Variants in KIRREL2 observed in about 807,000 individuals in gnomAD.
The protein encoded by KIRREL2 is kirre like nephrin family adhesion molecule 2, also known as kin of IRRE-like protein 2.
In KIRREL2, 56 loss-of-function variants were observed where a neutral mutation model predicts 73.4. That is an observed-to-expected ratio of 0.76 (90% CI 0.62 to 0.95). The LOEUF is 0.95. KIRREL2 is among the 40% of genes least tolerant of loss of function. The pLI, the probability that KIRREL2 is intolerant of heterozygous loss-of-function variation, is 0.00. For synonymous variants in KIRREL2, 407 were observed against 404.0 expected (o/e 1.01, Z -0.09); for missense variants, 896 against 935.0 (o/e 0.96, Z 0.54).
At position 35,862,487 on chromosome 19, in the gene KIRREL2, C is replaced by T. The variant is rs776824493; in HGVS notation, c.1511-6C>T. ...CTTCTCAGGATGTCCCCTCTGCTCC[C>T]TGCAGACTTGCTGCCCACTGTGCGG... On this transcript the variant is annotated splice_region_variant and splice_polypyrimidine_tract_variant and intron_variant, in intron 11 of 14. Coordinates refer to ENST00000360202, the MANE Select transcript of KIRREL2 (RefSeq NM_199180.4). The T allele has an allele frequency of 1.2e-6, 2 of 1,606,226 alleles. No homozygotes were observed. Among genetic ancestry groups the T allele is most frequent in the Non-Finnish European group, 1.7e-6 (2 of 1,178,090 alleles).
upstream of KIRREL2, among the ~76,000 whole-genome samples, chr19:35,854,676 T>G (rs925461638): frequency 5.9e-5 from 9 of 152,204 alleles, no homozygotes; most frequent in African/African-American, 2.2e-4. Context: ...CTCTCTATAT[T>G]AAGTTGTTAA....
rs2146888905 is a variant in KIRREL2 at position 35,866,171 on chromosome 19, T to C, written c.1806T>C (p.Gly602=). Residue 602 remains glycine (G), a synonymous_variant, in exon 15 of 15, where the codon GGT becomes GGC. Coordinates refer to ENST00000360202, the MANE Select transcript of KIRREL2 (RefSeq NM_199180.4). ...TGTCCCCTCAGGACCCAACCAACGG[T>C]TACTACAAGGTCCGAGGAGTCAGTG... The part of the protein sequence containing the change: ...GTLETKDPTN[G]YYKVRGVSVS... 6.2e-7 allele frequency: 1 copy of C among 1,608,362 alleles called. No individual in the cohort carries two copies. The highest frequency in any genetic ancestry group is 8.5e-7 in the Non-Finnish European group (1 of 1,178,640).
In KIRREL2 at chr19:35,861,904, G is replaced by T. The variant is rs750596337; in HGVS notation, c.1390G>T (p.Gly464Cys). ...APESRGGLGP[G>C]LISVLHISGT... ...AGAGAGCCGCGGGGGACTGGGTCCGGGCCTGATCTCTGTGCTACACATTTC... is the reference window on the plus strand; with the variant it reads ...AGAGAGCCGCGGGGGACTGGGTCCGTGCCTGATCTCTGTGCTACACATTTC... Residue 464 changes from glycine to cysteine, a missense_variant, in exon 11 of 15, where the codon GGC becomes TGC. Transcript: ENST00000360202. 1 of 1,608,176 alleles carries T rather than the reference G, an allele frequency of 6.2e-7. No homozygotes were observed. Among genetic ancestry groups the T allele is most frequent in the Admixed American group, 1.7e-5 (1 of 58,786 alleles).
rs1472899254 is a variant in KIRREL2, at chr19:35,859,549, T to C, written c.591T>C (p.Asp197=). The C allele has an allele frequency of 1.9e-6, 3 of 1,614,174 alleles. No individual in the cohort carries two copies. Among genetic ancestry groups the C allele is most frequent in the African/African-American group, 1.3e-5 (1 of 75,042 alleles). The change falls in exon 5 of 15, where the codon GAT becomes GAC. Residue 197 remains aspartate, a synonymous_variant. Coordinates refer to ENST00000360202, the MANE Select transcript of KIRREL2 (RefSeq NM_199180.4). ...TAACCCTGACCCCTTTCAGCCATGA[T>C]GATGGAGCCACCTTTGTCTGCCGGG... ...STLTLTPFSH[D]DGATFVCRAR...
intron 7 of KIRREL2, 64 bp from the exon 8 acceptor site, chr19:35,860,845 G>T: frequency 6.2e-7 from 1 of 1,609,032 alleles, no homozygotes. Context: ...TGTGGGGCTG[G>T]CTGATCCCAG....
At chr19:35,851,702 G>A (rs1257091692), upstream of KIRREL2, 3 of 1,594,998 alleles carry the variant, frequency 1.9e-6, no homozygotes, top group Non-Finnish European at 2.6e-6. Flanking sequence ...CAAGGAAAGG[G>A]CAGAGGGTTT....
chr19:35,854,602 C>CG (rs1163793583), upstream of KIRREL2, among the ~76,000 whole-genome samples: 1 of 152,194 alleles, frequency 6.6e-6, no homozygotes. Context: ...GGATTGCAGG[C>CG]GTGAGTCATT....
At chr19:35,864,741 T>C in intron 14 of KIRREL2, 28 bp downstream of exon 14, 1 of 1,548,400 alleles carries the variant, frequency 6.5e-7, no homozygotes, top group Non-Finnish European at 8.9e-7. Context: ...TGGGGCTCCC[T>C]TCACTGTTGG....
intron 14 of KIRREL2, 55 bp downstream of exon 14, chr19:35,864,768 T>G: frequency 1.5e-6 from 2 of 1,340,794 alleles, no homozygotes; most frequent in Non-Finnish European, 2.1e-6. Context: ...CGGGGCTCCC[T>G]TCATTGTGTT....
chr19:35,859,963 T>C (rs1178941435), intron 5 of KIRREL2, among the ~76,000 whole-genome samples: 2 of 152,056 alleles, frequency 1.3e-5, no homozygotes, highest in Admixed American at 6.5e-5. Flanking sequence ...GAGAATCACT[T>C]GTACCCGGGA....
chr19:35,864,550 C>A, intron 13 of KIRREL2, 98 bp from the exon 14 acceptor site: 1 of 933,468 alleles, frequency 1.1e-6, no homozygotes, highest in Non-Finnish European at 1.7e-6. Context: ...TTACTCCCTC[C>A]TGCCTGGCCT....
Position 35,864,733 on chromosome 19 carries a change from G to C in KIRREL2, c.1791+20G>C. On this transcript the variant is annotated intron_variant, in intron 14 of 14. Transcript: ENST00000360202. ...ACCAAGGTGAGTGTTGAGAGGGGTG[G>C]GGCTCCCTTCACTGTTGGGAGAGGC... 2 of 1,585,688 alleles carry C rather than the reference G, an allele frequency of 1.3e-6. No individual in the cohort carries two copies. The highest frequency in any genetic ancestry group is 1.7e-6 in the Non-Finnish European group (2 of 1,154,404).
intron 13 of KIRREL2, among the ~76,000 whole-genome samples, 186 bp from the exon 14 acceptor site, chr19:35,864,462 T>A (rs1006903992): frequency 6.6e-6 from 1 of 152,110 alleles, no homozygotes; most frequent in African/African-American, 2.4e-5. Context: ...AGTGCTGGGA[T>A]TACATGCATG....
chr19:35,859,365 T>G, intron 4 of KIRREL2, 116 bp from the exon 5 acceptor site: 1 of 839,866 alleles, frequency 1.2e-6, no homozygotes, highest in Non-Finnish European at 1.8e-6. Flanking sequence ...TCAGCTATCA[T>G]TAGTGTTAGT....
In KIRREL2 at chr19:35,860,341, G is replaced by T. The variant is rs1421762507; in HGVS notation, c.718G>T (p.Glu240Ter). The change falls in exon 6 of 15, where the codon GAG becomes TAG. Residue 240 changes from glutamate to a stop codon, truncating the protein, a stop_gained. Coordinates refer to ENST00000360202, the MANE Select transcript of KIRREL2 (RefSeq NM_199180.4). LOFTEE classifies it high-confidence loss of function. ...GTCTGCTTCGCCACACACTGTGCAG[G>T]AGGGAGAGAAGGTCATTTTCCTGTG... The part of the protein sequence containing the change: ...TLSASPHTVQ[E>*]GEKVIFLCQA... The T allele has an allele frequency of 2.5e-6, 4 of 1,613,962 alleles. No individual in the cohort carries two copies. In the African/African-American group the frequency reaches 5.3e-5, roughly 22 times the overall value.
At chr19:35,862,099 C>A in intron 11 of KIRREL2, 75 bp downstream of exon 11, 2 of 1,289,392 alleles carry the variant, frequency 1.6e-6, no homozygotes, top group Non-Finnish European at 2.1e-6. Flanking sequence ...CAGCCGAGGG[C>A]TGCAAAACCT....
intron 13 of KIRREL2, among the ~76,000 whole-genome samples, chr19:35,863,423 C>CATT (rs1482018646): frequency 2.3e-5 from 3 of 128,978 alleles, no homozygotes; most frequent in African/African-American, 1.2e-4. Context: ...ACCCTGTCTC[C>CATT]ATTTTTTTTT....
In KIRREL2 at chr19:35,858,460, C is replaced by A; in HGVS notation, c.264C>A (p.Leu88=). 6.2e-7 allele frequency: 1 copy of A among 1,614,156 alleles called. No homozygotes were observed. Among genetic ancestry groups the A allele is most frequent in the Non-Finnish European group, 8.5e-7 (1 of 1,180,034 alleles). Residue 88 remains leucine (L), a synonymous_variant, in exon 3 of 15, where the codon CTC becomes CTA. Transcript: ENST00000360202. ...ATGCAGCCAATGGCCAGCATGACCT[C>A]CACATTAGGCCCGTGGAGCTAGAGG... ...SGNAANGQHD[L]HIRPVELEDE...
At chr19:35,851,418 T>C (rs961299448), upstream of KIRREL2, 2 of 1,612,682 alleles carry the variant, frequency 1.2e-6, no homozygotes, top group African/African-American at 2.7e-5. Flanking sequence ...GGCCGCAGCT[T>C]CCGCTGGTGG....
Sources: allele counts gnomAD v4.1 joint callset (sites outside exome capture counted in the v4.1 genomes callset), GRCh38; gene constraint gnomAD v4.1.1; transcripts MANE v1.5; gene names NCBI Gene and HGNC (gene_info 2026-07-23, HGNC 2026-07-21).